The following THSD7B variants were observed in gnomAD, a reference collection of about 807,000 sequenced individuals.
THSD7B encodes thrombospondin type 1 domain containing 7B, also known as thrombospondin type-1 domain-containing protein 7B.
Under a neutral mutation model 213.6 loss-of-function variants are expected in THSD7B, and 138 were observed. The ratio of observed to expected loss-of-function variants is 0.65; its 90% confidence interval spans 0.56 to 0.74. The LOEUF (loss-of-function observed/expected upper bound fraction) is 0.74, where lower values mean the gene tolerates loss of function less well. Among genes scored for constraint, THSD7B ranks in the 30% least tolerant of loss-of-function variants. The probability of loss-of-function intolerance (pLI) is 0.00; values close to 1 mark genes in which losing one functional copy is unlikely to be tolerated. For synonymous variants in THSD7B, 742 were observed against 687.0 expected, an observed-to-expected ratio of 1.08 and a Z score of -1.25; for missense variants, 1,931 against 1,991.5, an observed-to-expected ratio of 0.97 and a Z score of 0.58.
Position 137,056,608 on chromosome 2 carries a change from G to T in THSD7B, c.328G>T (p.Asp110Tyr). Reference sequence around the variant, plus strand: ...TGACCTCTTTCAGTGGGAGGTTTCTGACTGGCACCACTGTGTGCTTGTTCC... The same window carrying T: ...TGACCTCTTTCAGTGGGAGGTTTCTTACTGGCACCACTGTGTGCTTGTTCC... ...HSDLFQWEVS[D>Y]WHHCVLVPYA... is the part of the protein sequence containing the mutation. Residue 110 changes from aspartate to tyrosine, a missense_variant, in exon 3 of 28, where the codon GAC becomes TAC. Coordinates refer to ENST00000409968, the MANE Select transcript of THSD7B (RefSeq NM_001316349.2). 1 of 1,613,950 alleles carries T rather than the reference G, an allele frequency of 6.2e-7. No homozygotes were observed.
chr2:137,031,625 T>C (rs1332823312), intron 2 of THSD7B, among the ~76,000 whole-genome samples: 1 of 152,028 alleles, frequency 6.6e-6, no homozygotes, highest in Non-Finnish European at 1.5e-5. Flanking sequence ...ACAAAATGTA[T>C]TTAACAAAAT....
At chr2:137,527,167 G>C (rs2105174625) in intron 15 of THSD7B, among the ~76,000 whole-genome samples, 1 of 152,248 alleles carries the variant, frequency 6.6e-6, no homozygotes, top group Middle Eastern at 3.4e-3. Context: ...ATTTTAATTT[G>C]ATTGAACAGT....
intron 1 of THSD7B, among the ~76,000 whole-genome samples, chr2:136,857,622 CACAA>C (rs1357470164): frequency 3.0e-5 from 4 of 134,582 alleles, no homozygotes; most frequent in African/African-American, 1.0e-4. Context: ...TGCACACACA[CACAA>C]ACACACACAC....
intron 15 of THSD7B, among the ~76,000 whole-genome samples, chr2:137,466,922 T>C (rs533454165): frequency 6.6e-6 from 1 of 152,182 alleles, no homozygotes; most frequent in East Asian, 1.9e-4. Flanking sequence ...GTTAGCAAAA[T>C]GGCCCAGCAG....
At chr2:137,464,082 C>T (rs1687939319) in intron 15 of THSD7B, among the ~76,000 whole-genome samples, 2 of 151,976 alleles carry the variant, frequency 1.3e-5, no homozygotes, top group African/African-American at 2.4e-5. Flanking sequence ...TCATGCCAGC[C>T]GGACCCTGAA....
chr2:137,022,774 T>C (rs1573772361), intron 2 of THSD7B, among the ~76,000 whole-genome samples: 1 of 152,146 alleles, frequency 6.6e-6, no homozygotes, highest in Non-Finnish European at 1.5e-5. Flanking sequence ...TTTTATTTAG[T>C]GCATGGGTCA....
chr2:137,662,426 G>A (rs116635633), intron 25 of THSD7B, among the ~76,000 whole-genome samples: 3,818 of 151,550 alleles, frequency 0.025, 134 homozygotes, highest in African/African-American at 0.086. Context: ...CCTCGTGCTC[G>A]CTGCAACCAA....
At chr2:137,342,108 A>G (rs1684775153) in intron 12 of THSD7B, among the ~76,000 whole-genome samples, 1 of 151,600 alleles carries the variant, frequency 6.6e-6, no homozygotes, top group Non-Finnish European at 1.5e-5. Context: ...TAGTGTGGAC[A>G]TTTTAACAAT....
At chr2:137,453,053 C>A (rs551530841) in intron 15 of THSD7B, among the ~76,000 whole-genome samples, 3 of 151,896 alleles carry the variant, frequency 2.0e-5, no homozygotes, top group Non-Finnish European at 4.4e-5. Context: ...CAAAAAAGAA[C>A]CCTGTATAAT....
At chr2:136,898,635 G>T (rs1463732483) in intron 2 of THSD7B, among the ~76,000 whole-genome samples, 1 of 128,664 alleles carries the variant, frequency 7.8e-6, no homozygotes, top group East Asian at 2.4e-4. Context: ...TATAACAGTG[G>T]GGAACTGAGA....
At chr2:137,597,301 C>T (rs1681980537) in intron 17 of THSD7B, among the ~76,000 whole-genome samples, 1 of 151,868 alleles carries the variant, frequency 6.6e-6, no homozygotes, top group Non-Finnish European at 1.5e-5. Flanking sequence ...AATATTAGAC[C>T]ATGAAATTCT....
chr2:137,119,689 A>G (rs1688512893), intron 5 of THSD7B, among the ~76,000 whole-genome samples: 2 of 152,102 alleles, frequency 1.3e-5, no homozygotes, highest in African/African-American at 4.8e-5. Context: ...GAATATGGAT[A>G]TGTGCTACAG....
chr2:137,231,586 AC>A (rs1558967018), intron 8 of THSD7B, among the ~76,000 whole-genome samples: 2 of 97,934 alleles, frequency 2.0e-5, no homozygotes, highest in Admixed American at 1.9e-4. Flanking sequence ...ACATAATTAG[AC>A]TATGTTTAGT....
intron 20 of THSD7B, among the ~76,000 whole-genome samples, chr2:137,621,642 G>C (rs1189702120): frequency 6.6e-6 from 1 of 152,202 alleles, no homozygotes; most frequent in Non-Finnish European, 1.5e-5. Context: ...AGCTGGCTTA[G>C]AACAGAACTC....
chr2:137,650,382 T>G (rs1020042956), intron 21 of THSD7B, among the ~76,000 whole-genome samples: 4 of 152,238 alleles, frequency 2.6e-5, no homozygotes, highest in African/African-American at 9.6e-5. Flanking sequence ...TTTTTCAGAT[T>G]GTTCACTGTT....
intron 3 of THSD7B, 137 bp downstream of exon 3, chr2:137,057,367 A>G (rs1687190573): frequency 2.2e-6 from 2 of 900,770 alleles, no homozygotes; most frequent in Non-Finnish European, 3.3e-6. Flanking sequence ...GTTTCATGTA[A>G]GAAATTTTTA....
intron 15 of THSD7B, among the ~76,000 whole-genome samples, chr2:137,535,321 A>C (rs1680484018): frequency 6.6e-6 from 1 of 151,764 alleles, no homozygotes; most frequent in East Asian, 1.9e-4. Flanking sequence ...AAAGGTATTC[A>C]TACCTCCTAG....
chr2:137,274,798 A>G (rs1682830593), intron 11 of THSD7B, among the ~76,000 whole-genome samples: 1 of 152,094 alleles, frequency 6.6e-6, no homozygotes, highest in African/African-American at 2.4e-5. Flanking sequence ...CAGAATGTAT[A>G]TCTATGCATG....
chr2:137,604,546 C>T (rs1295025851), intron 17 of THSD7B, among the ~76,000 whole-genome samples: 1 of 152,148 alleles, frequency 6.6e-6, no homozygotes, highest in Non-Finnish European at 1.5e-5. Context: ...TAGAAGTCCT[C>T]TTTTGCATCA....
Sources: gnomAD v4.1 joint callset for allele counts (sites outside exome capture counted in the v4.1 genomes callset) on GRCh38, gnomAD v4.1.1 for gene constraint, MANE v1.5 for transcripts, NCBI Gene and HGNC (gene_info 2026-07-23, HGNC 2026-07-21) for gene names.